Variants in TMPRSS11A observed in about 807,000 individuals in gnomAD.
The protein encoded by TMPRSS11A is transmembrane serine protease 11A.
A neutral mutation model predicts 58.9 loss-of-function variants in TMPRSS11A; 53 were observed. The observed-to-expected ratio is 0.90, with a 90% CI of 0.72 to 1.13. The LOEUF is 1.13. TMPRSS11A is among the 50% of genes most tolerant of loss of function. The probability of loss-of-function intolerance (pLI) is 0.00; values close to 1 mark genes in which losing one functional copy is unlikely to be tolerated. For synonymous variants in TMPRSS11A, 167 were observed against 169.8 expected, an observed-to-expected ratio of 0.98 and a Z score of 0.13; for missense variants, 493 against 499.3, an observed-to-expected ratio of 0.99 and a Z score of 0.12.
chr4:67,929,728 A>T, intron 5 of TMPRSS11A, 152 bp downstream of exon 5: 1 of 731,688 alleles, frequency 1.4e-6, no homozygotes, highest in Admixed American at 2.8e-5. Context: ...TTAGAGACTA[A>T]TACACCTTGA....
chr4:67,920,549 A>ATATATATATATATATATAT (rs371252656), intron 7 of TMPRSS11A, among the ~76,000 whole-genome samples: 19 of 130,892 alleles, frequency 1.5e-4, no homozygotes, highest in African/African-American at 5.2e-4. Flanking sequence ...ATATATATAT[A>ATATATATATATATATATAT]TTTTTTTTTA....
intron 5 of TMPRSS11A, among the ~76,000 whole-genome samples, chr4:67,928,280 A>C (rs2109746276): frequency 6.6e-6 from 1 of 152,284 alleles, no homozygotes; most frequent in East Asian, 1.9e-4. Context: ...TCCTGACCTC[A>C]GGTGATCCAC....
chr4:67,955,240 A>G (rs1217443030), intron 1 of TMPRSS11A, among the ~76,000 whole-genome samples: 2 of 152,246 alleles, frequency 1.3e-5, no homozygotes, highest in East Asian at 3.8e-4. Context: ...TAATTAGTAC[A>G]ATATTAAAAA....
Position 67,911,522 on chromosome 4 carries a change from GA to G in TMPRSS11A, c.1096-20del. On this transcript the variant is annotated intron_variant, in intron 9 of 9. Coordinates refer to ENST00000508048, the MANE Select transcript of TMPRSS11A (RefSeq NM_001114387.2). ...AATCACCCTAAAAATAAAAACATAA[GA>G]AAAAAGAAAGAAAATTAGCTAAACA... The G allele has an allele frequency of 6.3e-7, 1 of 1,585,070 alleles. No individual in the cohort carries two copies.
Position 67,963,429 on chromosome 4 carries a change from C to T in TMPRSS11A, c.-36G>A, listed in dbSNP as rs1185444147. ...AAGAATATGATCTTGCAGGTCTGCA[C>T]CCACTGAACTCAACTTTCTAATCAA... is the stretch of plus-strand genomic sequence containing the variant. On this transcript the variant is annotated 5_prime_UTR_variant, in exon 1 of 10. It adds an upstream start codon to the 5' untranslated region. Coordinates refer to ENST00000508048, the MANE Select transcript of TMPRSS11A (RefSeq NM_001114387.2). 6 of 1,611,598 alleles carry T rather than the reference C, an allele frequency of 3.7e-6. No homozygotes were observed. Among genetic ancestry groups the T allele is most frequent in the African/African-American group, 1.3e-5 (1 of 74,958 alleles).
intron 1 of TMPRSS11A, among the ~76,000 whole-genome samples, chr4:67,957,433 C>G (rs528555907): frequency 1.3e-5 from 2 of 152,210 alleles, no homozygotes; most frequent in South Asian, 4.1e-4. Context: ...TGTTGGGAAC[C>G]AGAGCAAAAG....
At chr4:67,946,682 G>A in intron 1 of TMPRSS11A, 111 bp from the exon 2 acceptor site, 1 of 1,145,586 alleles carries the variant, frequency 8.7e-7, no homozygotes, top group Non-Finnish European at 1.2e-6. Flanking sequence ...CTGCAAAAAG[G>A]TCTTTAATTT....
At chr4:67,930,829 T>TAAA (rs1553922588) in intron 4 of TMPRSS11A, among the ~76,000 whole-genome samples, 5 of 90,150 alleles carry the variant, frequency 5.5e-5, no homozygotes, top group Admixed American at 1.2e-4. Flanking sequence ...TTTTTTTTTT[T>TAAA]ACAAAAAAAA....
chr4:67,950,731 TG>T (rs777184695), intron 1 of TMPRSS11A, among the ~76,000 whole-genome samples: 6 of 152,236 alleles, frequency 3.9e-5, no homozygotes, highest in Non-Finnish European at 7.3e-5. Context: ...CTTTTATTTT[TG>T]AGGGAGAACT....
At chr4:67,926,570 C>T (rs867354287) in intron 5 of TMPRSS11A, among the ~76,000 whole-genome samples, 3 of 152,198 alleles carry the variant, frequency 2.0e-5, no homozygotes, top group African/African-American at 4.8e-5. Flanking sequence ...CCCAACCTCA[C>T]GTGACCAGGC....
At chr4:67,927,429 C>G (rs1720502675) in intron 5 of TMPRSS11A, among the ~76,000 whole-genome samples, 1 of 152,224 alleles carries the variant, frequency 6.6e-6, no homozygotes, top group Admixed American at 6.5e-5. Flanking sequence ...CACAGAGAGA[C>G]AGCACACCTG....
rs368708740 is a variant in TMPRSS11A, at chr4:67,961,070, C to T, written c.11+2313G>A. 4.8e-4 allele frequency among the ~76,000 whole-genome samples: 73 copies of T among 152,264 alleles called. 2 individuals are homozygous for T. In the South Asian group the frequency reaches 0.013, roughly 26 times the overall value. On this transcript the variant is annotated intron_variant, in intron 1 of 9. Transcript: ENST00000508048. ...TTAAAGGAAAATTCAAACAGATTCA[C>T]ACCAAAACAGAAAGAATCCCTGCAA...
chr4:67,928,155 C>A (rs1388537789), intron 5 of TMPRSS11A, among the ~76,000 whole-genome samples: 1 of 152,164 alleles, frequency 6.6e-6, no homozygotes. Context: ...AGTGATTCTT[C>A]CCCCTCAGTC....
At chr4:67,937,240 A>G (rs763511817) in intron 3 of TMPRSS11A, among the ~76,000 whole-genome samples, 5 of 152,146 alleles carry the variant, frequency 3.3e-5, no homozygotes, top group Non-Finnish European at 7.4e-5. Context: ...CCTTTCTTCC[A>G]ACTATAGATT....
At position 67,930,339 on chromosome 4, in the gene TMPRSS11A, C is replaced by G. The variant is rs536483948; in HGVS notation, c.321-299G>C. ...GAGTTAGAAGAAGCCTTCATGTTTTCTTAGGCTAATCAATTGTATATTTGA... is the reference window on the plus strand; with the variant it reads ...GAGTTAGAAGAAGCCTTCATGTTTTGTTAGGCTAATCAATTGTATATTTGA... On this transcript the variant is annotated intron_variant, in intron 4 of 9. Transcript: ENST00000508048. Among the ~76,000 whole-genome samples the G allele has an allele frequency of 1.5e-3, 221 of 152,306 alleles. 1 individual carries two copies. The highest frequency in any genetic ancestry group is 4.9e-3 in the African/African-American group (203 of 41,576).
Position 67,922,772 on chromosome 4 carries a change from T to C in TMPRSS11A, c.675A>G (p.Ala225=). 1.2e-6 allele frequency: 2 copies of C among 1,614,162 alleles called. No homozygotes were observed. Among genetic ancestry groups the C allele is most frequent in the South Asian group, 1.1e-5 (1 of 91,076 alleles). Residue 225 remains alanine, a synonymous_variant, in exon 7 of 10, where the codon GCA becomes GCG. Coordinates refer to ENST00000508048, the MANE Select transcript of TMPRSS11A (RefSeq NM_001114387.2). ...TAACTTACTTCTGGAAGCAGTGTGC[T>C]GCAGTGACAAGCCATGTGTTACTAA... ...TLISNTWLVT[A]AHCFQKYKNP...
intron 4 of TMPRSS11A, among the ~76,000 whole-genome samples, chr4:67,930,865 C>A (rs1720599845): frequency 7.9e-6 from 1 of 127,208 alleles, no homozygotes; most frequent in Non-Finnish European, 1.6e-5. Flanking sequence ...ACTCTAGAGG[C>A]CCATCTCCCT....
Position 67,910,967 on chromosome 4 carries a change from T to C in TMPRSS11A, c.*375A>G, listed in dbSNP as rs893088159. ...ATGTAGGGAATTATACAAGGGTTTC[T>C]TGAACACTTTGTGAGTTCAAAAAGT... On this transcript the variant is annotated 3_prime_UTR_variant, in exon 10 of 10. Coordinates refer to ENST00000508048, the MANE Select transcript of TMPRSS11A (RefSeq NM_001114387.2). The C allele has an allele frequency of 3.7e-5, 6 of 160,264 alleles. No individual in the cohort carries two copies. The highest frequency in any genetic ancestry group is 9.6e-5 in the African/African-American group (4 of 41,760). The allele number at this position is 160,264 out of a possible 1,614,324, so 9.9% of individuals were successfully genotyped here.
At chr4:67,944,692 C>A in intron 2 of TMPRSS11A, 55 bp from the exon 3 acceptor site, 2 of 1,513,654 alleles carry the variant, frequency 1.3e-6, no homozygotes, top group Non-Finnish European at 1.8e-6. Context: ...GATTTCAGAA[C>A]TCAATTACAA....
Sources: allele counts gnomAD v4.1 joint callset (sites outside exome capture counted in the v4.1 genomes callset), GRCh38; gene constraint gnomAD v4.1.1; transcripts MANE v1.5; gene names NCBI Gene and HGNC (gene_info 2026-07-23, HGNC 2026-07-21).